Variants in TOPAZ1 observed in about 807,000 individuals in gnomAD.
The protein encoded by TOPAZ1 is testis and ovary specific TOPAZ 1, also known as protein TOPAZ1.
Under a neutral mutation model 172.2 loss-of-function variants are expected in TOPAZ1, and 66 were observed. The observed-to-expected ratio is 0.38, with a 90% confidence interval of 0.31 to 0.47. The LOEUF is 0.47. TOPAZ1 is among the 20% of genes least tolerant of loss of function. TOPAZ1 has a pLI of 0.99. For synonymous variants in TOPAZ1, 681 were observed against 683.9 expected (o/e 1.00, Z 0.07); for missense variants, 1,822 against 1,972.4 (o/e 0.92, Z 1.44).
intron 12 of TOPAZ1, among the ~76,000 whole-genome samples, chr3:44,293,781 G>T (rs1700165813): frequency 6.6e-6 from 1 of 152,126 alleles, no homozygotes; most frequent in Non-Finnish European, 1.5e-5. Context: ...TGTTACAGTT[G>T]CCTACAGTAT....
intron 19 of TOPAZ1, among the ~76,000 whole-genome samples, chr3:44,329,409 A>T (rs1034778705): frequency 6.6e-6 from 1 of 152,152 alleles, no homozygotes; most frequent in African/African-American, 2.4e-5. Flanking sequence ...ATTTCACCAC[A>T]TGGGCCTCTC....
intron 11 of TOPAZ1, 78 bp from the exon 12 acceptor site, chr3:44,290,693 A>T: frequency 1.2e-6 from 1 of 810,840 alleles, no homozygotes; most frequent in Non-Finnish European, 2.0e-6. Flanking sequence ...TTAGTGTCTT[A>T]GTTGTTTCAC....
chr3:44,299,818 T>A, intron 12 of TOPAZ1, among the ~76,000 whole-genome samples: 1 of 149,036 alleles, frequency 6.7e-6, no homozygotes, highest in Non-Finnish European at 1.5e-5. Context: ...TGGATGAAAT[T>A]GGAAATCATC....
At chr3:44,327,455 C>T (rs1437692701) in intron 18 of TOPAZ1, among the ~76,000 whole-genome samples, 1 of 152,192 alleles carries the variant, frequency 6.6e-6, no homozygotes, top group Non-Finnish European at 1.5e-5. Flanking sequence ...TAAATCTCTT[C>T]TCTTGAAAAG....
chr3:44,269,792 C>T (rs1477979283), intron 7 of TOPAZ1, among the ~76,000 whole-genome samples: 1 of 151,762 alleles, frequency 6.6e-6, no homozygotes, highest in Non-Finnish European at 1.5e-5. Flanking sequence ...CCACCACGCC[C>T]GGCTAAGTTT....
At chr3:44,276,653 T>C (rs1420459428) in intron 8 of TOPAZ1, among the ~76,000 whole-genome samples, 2 of 56,554 alleles carry the variant, frequency 3.5e-5, no homozygotes, top group African/African-American at 5.0e-5. Context: ...TTTTTTTTTT[T>C]CCAGAATTGC....
chr3:44,243,551 T>C lies in TOPAZ1; in HGVS notation c.1045T>C (p.Phe349Leu). ...KADETVTEMN[F>L]SNEYNKSELM... ...AGATGAAACAGTTACTGAGATGAAC[T>C]TCTCTAATGAGTATAACAAGTCTGA... The change falls in exon 2 of 20, where the codon TTC becomes CTC. Residue 349 changes from phenylalanine to leucine, a missense_variant. By Grantham distance (22) the Phe-to-Leu change is conservative (BLOSUM62 0). Around this residue, in one of 2 missense-constraint regions of TOPAZ1, gnomAD observed 1,489 missense variants for 1,490.8 expected, o/e 1.00. Coordinates refer to ENST00000309765, the MANE Select transcript of TOPAZ1 (RefSeq NM_001145030.2). 2 of 1,551,246 alleles carry C rather than the reference T, an allele frequency of 1.3e-6. No homozygotes were observed. Among genetic ancestry groups the C allele is most frequent in the Non-Finnish European group, 1.7e-6 (2 of 1,146,926 alleles).
intron 2 of TOPAZ1, among the ~76,000 whole-genome samples, chr3:44,252,045 A>G (rs567332451): frequency 1.3e-5 from 2 of 152,294 alleles, no homozygotes; most frequent in Admixed American, 6.5e-5. Flanking sequence ...GAGTTTGCAT[A>G]TGTAATTTTA....
intron 17 of TOPAZ1, among the ~76,000 whole-genome samples, chr3:44,322,865 C>T (rs1200233074): frequency 6.6e-6 from 1 of 152,160 alleles, no homozygotes; most frequent in Non-Finnish European, 1.5e-5. Context: ...TTGCAGTGAG[C>T]CAAGATCATG....
intron 19 of TOPAZ1, 131 bp downstream of exon 19, chr3:44,328,564 A>T: frequency 2.3e-6 from 1 of 431,072 alleles, no homozygotes; most frequent in Non-Finnish European, 3.9e-6. Flanking sequence ...TATGTACTTT[A>T]TGTGTGTGTA....
downstream of TOPAZ1, among the ~76,000 whole-genome samples, chr3:44,336,229 GCT>G (rs1379062639): frequency 1.3e-5 from 2 of 152,192 alleles, no homozygotes; most frequent in East Asian, 3.9e-4. Flanking sequence ...TGGGGCCTTA[GCT>G]GTAAATTAGC....
At position 44,287,543 on chromosome 3, in the gene TOPAZ1, A is replaced by G. The variant is rs1271777703; in HGVS notation, c.3588+3A>G. On this transcript the variant is annotated splice_donor_region_variant and intron_variant, in intron 10 of 19. Transcript: ENST00000309765. ...TCAGCATAATGGTTAAAATGCTGGTAAGTAGCCTGAAAATATATGTTATTT... is the reference window on the plus strand; with the variant it reads ...TCAGCATAATGGTTAAAATGCTGGTGAGTAGCCTGAAAATATATGTTATTT... 2 of 1,461,362 alleles carry G rather than the reference A, an allele frequency of 1.4e-6. No homozygotes were observed. Among genetic ancestry groups the G allele is most frequent in the African/African-American group, 1.4e-5 (1 of 68,990 alleles). The allele number at this position is 1,461,362 out of a possible 1,614,324, so 90.5% of individuals were successfully genotyped here.
At chr3:44,284,753 C>T (rs1700059669) in intron 9 of TOPAZ1, among the ~76,000 whole-genome samples, 1 of 152,062 alleles carries the variant, frequency 6.6e-6, no homozygotes, top group African/African-American at 2.4e-5. Flanking sequence ...TTAGCATATA[C>T]CAGAATGAAT....
At chr3:44,277,876 C>G (rs1164249921) in intron 8 of TOPAZ1, among the ~76,000 whole-genome samples, 3 of 152,212 alleles carry the variant, frequency 2.0e-5, no homozygotes, top group Non-Finnish European at 2.9e-5. Context: ...TTGTAAACTT[C>G]CTCAGGCCTC....
Position 44,262,419 on chromosome 3 carries a change from CA to C in TOPAZ1, c.2957del (p.His986LeufsTer7). On this transcript the variant is annotated frameshift_variant and splice_region_variant, in exon 5 of 20. Coordinates refer to ENST00000309765, the MANE Select transcript of TOPAZ1 (RefSeq NM_001145030.2). LOFTEE classifies it high-confidence loss of function. Reference sequence around the variant, plus strand: ...TTATTTAACCATAATCTCTTCACAGCATAGATTTACAGACAAAGTGATTACC... The same window carrying C: ...TTATTTAACCATAATCTCTTCACAGCTAGATTTACAGACAAAGTGATTACC... Reference protein sequence around the residue: ...QIKGSDLDEKHRFTDKVITKE... With the variant: ...QIKGSDLDEKXRFTDKVITKE... 1 of 1,471,090 alleles carries C rather than the reference CA, an allele frequency of 6.8e-7. No individual in the cohort carries two copies. Among genetic ancestry groups the C allele is most frequent in the Non-Finnish European group, 9.3e-7 (1 of 1,079,912 alleles). The allele number at this position is 1,471,090 out of a possible 1,614,324, so 91.1% of individuals were successfully genotyped here. A position where few individuals can be genotyped will look rare whatever the true frequency, so the allele number is the denominator to read the frequency against.
intron 8 of TOPAZ1, among the ~76,000 whole-genome samples, chr3:44,274,952 G>A (rs901394206): frequency 6.6e-6 from 1 of 150,854 alleles, no homozygotes; most frequent in Non-Finnish European, 1.5e-5. Context: ...CATATTTATG[G>A]GGTATATGTG....
At chr3:44,263,196 G>T (rs532511058) in intron 5 of TOPAZ1, among the ~76,000 whole-genome samples, 2 of 152,234 alleles carry the variant, frequency 1.3e-5, no homozygotes, top group East Asian at 3.9e-4. Flanking sequence ...GACTGGGCAA[G>T]AATTAAATTG....
chr3:44,300,184 G>A (rs760735407), intron 12 of TOPAZ1, among the ~76,000 whole-genome samples: 1 of 152,010 alleles, frequency 6.6e-6, no homozygotes, highest in African/African-American at 2.4e-5. Flanking sequence ...TGTAATCCCA[G>A]CACTTTGGGA....
rs537775620 is a variant in TOPAZ1, at chr3:44,320,283, T to C, written c.4307-744T>C. ...ACGATTTCATAATAGAAATTGTTTTTAAAATAGAAAGTGTTAAGAAAAGCT... is the reference window on the plus strand; with the variant it reads ...ACGATTTCATAATAGAAATTGTTTTCAAAATAGAAAGTGTTAAGAAAAGCT... On this transcript the variant is annotated intron_variant, in intron 16 of 19. Transcript: ENST00000309765. Among the ~76,000 whole-genome samples, 169 of 45,780 alleles carry C rather than the reference T, an allele frequency of 3.7e-3. 1 individual carries two copies. The highest frequency in any genetic ancestry group is 0.014 in the African/African-American group (161 of 11,842). The allele number at this position is 45,780 out of a possible 152,430, so 30.0% of individuals were successfully genotyped here. A position where few individuals can be genotyped will look rare whatever the true frequency, so the allele number is the denominator to read the frequency against.
Sources: gnomAD v4.1 joint callset for allele counts (sites outside exome capture counted in the v4.1 genomes callset) on GRCh38, gnomAD v4.1.1 for gene constraint, gnomAD v4.1.1 regional missense constraint, MANE v1.5 for transcripts, NCBI Gene and HGNC (gene_info 2026-07-23, HGNC 2026-07-21) for gene names.